ZNF280D: variants seen among roughly 807,000 people sequenced by gnomAD.
ZNF280D encodes the protein zinc finger protein 280D.
In ZNF280D, 39 loss-of-function variants were observed where a neutral mutation model predicts 94.7. That is an observed-to-expected ratio of 0.41 (90% CI 0.32 to 0.54). ZNF280D has a LOEUF of 0.54. Among genes scored for constraint, ZNF280D ranks in the 20% least tolerant of loss-of-function variants. ZNF280D has a pLI of 0.22. For missense variants in ZNF280D, 1,090 were observed against 1,149.3 expected (o/e 0.95, Z 0.75); for synonymous variants, 398 against 377.6 (o/e 1.05, Z -0.63).
intron 1 of ZNF280D, among the ~76,000 whole-genome samples, chr15:56,711,700 A>T (rs1378690555): frequency 2.0e-5 from 3 of 152,192 alleles, no homozygotes; most frequent in Admixed American, 6.5e-5. Flanking sequence ...CAATTCTGTT[A>T]TACTGGAATT....
At chr15:56,690,359 G>A (rs1344709883) in intron 7 of ZNF280D, among the ~76,000 whole-genome samples, 8 of 152,070 alleles carry the variant, frequency 5.3e-5, no homozygotes, top group Non-Finnish European at 1.0e-4. Context: ...TCCAGCCTGG[G>A]CAACAGAGCA....
At chr15:56,703,388 T>C (rs940771690) in intron 4 of ZNF280D, among the ~76,000 whole-genome samples, 3 of 152,314 alleles carry the variant, frequency 2.0e-5, no homozygotes, top group Middle Eastern at 3.4e-3. Flanking sequence ...TCACCACCTA[T>C]ACATTTTGTA....
chr15:56,696,918 A>T (rs1413495852), intron 6 of ZNF280D, among the ~76,000 whole-genome samples: 2 of 152,254 alleles, frequency 1.3e-5, no homozygotes, highest in Non-Finnish European at 2.9e-5. Flanking sequence ...AAACATTCTG[A>T]GTCAGAAAGG....
intron 1 of ZNF280D, among the ~76,000 whole-genome samples, chr15:56,718,805 G>T (rs1212278677): frequency 6.6e-6 from 1 of 152,154 alleles, no homozygotes; most frequent in Non-Finnish European, 1.5e-5. Flanking sequence ...CTAAAAGCAA[G>T]TATCCACCTC....
At chr15:56,667,306 T>G (rs537147183) in intron 14 of ZNF280D, among the ~76,000 whole-genome samples, 7 of 152,258 alleles carry the variant, frequency 4.6e-5, no homozygotes, top group African/African-American at 1.4e-4. Context: ...GACTTAACTT[T>G]AAGAAATTCA....
chr15:56,708,960 T>C (rs1378726162), intron 1 of ZNF280D, among the ~76,000 whole-genome samples: 1 of 152,168 alleles, frequency 6.6e-6, no homozygotes, highest in Non-Finnish European at 1.5e-5. Context: ...AAGGACTTCA[T>C]GTCTAAAACA....
At chr15:56,650,036 TTTAA>T (rs551382418) in intron 19 of ZNF280D, among the ~76,000 whole-genome samples, 2 of 152,078 alleles carry the variant, frequency 1.3e-5, no homozygotes, top group Non-Finnish European at 2.9e-5. Flanking sequence ...ATATTAGTGG[TTTAA>T]TTGATTATGA....
chr15:56,714,104 C>A (rs567851458), intron 1 of ZNF280D, among the ~76,000 whole-genome samples: 2 of 152,096 alleles, frequency 1.3e-5, no homozygotes, highest in Non-Finnish European at 2.9e-5. Context: ...CCTTTTGTGC[C>A]TCAAGTATTT....
chr15:56,718,168 A>G (rs1232381040), intron 1 of ZNF280D, among the ~76,000 whole-genome samples: 1 of 152,198 alleles, frequency 6.6e-6, no homozygotes, highest in African/African-American at 2.4e-5. Context: ...TCATTTTTGA[A>G]TTAGCAATAA....
chr15:56,705,994 CAT>C (rs2057380037), intron 3 of ZNF280D, among the ~76,000 whole-genome samples: 3 of 149,696 alleles, frequency 2.0e-5, no homozygotes, highest in South Asian at 4.3e-4. Flanking sequence ...TCTCAAAATT[CAT>C]ATGTTTAAGA....
intron 1 of ZNF280D, among the ~76,000 whole-genome samples, chr15:56,715,221 C>T (rs1182625792): frequency 1.3e-5 from 2 of 152,104 alleles, no homozygotes; most frequent in Admixed American, 6.6e-5. Flanking sequence ...AGGAAATACC[C>T]TATCATGGAA....
chr15:56,701,290 T>C (rs1223970756), intron 4 of ZNF280D, 52 bp from the exon 5 acceptor site: 8 of 1,199,002 alleles, frequency 6.7e-6, no homozygotes, highest in Non-Finnish European at 5.9e-6. Flanking sequence ...GAAATACATA[T>C]TAAGATAATA....
At position 56,682,301 on chromosome 15, in the gene ZNF280D, T is replaced by C. The variant is rs752618061; in HGVS notation, c.957A>G (p.Thr319=). ...TCAAGCAACTGAAGCATTTAAAGGTTGTGTGAGTCTTCTGTTCCTCCTGGA... is the reference window on the plus strand; with the variant it reads ...TCAAGCAACTGAAGCATTTAAAGGTCGTGTGAGTCTTCTGTTCCTCCTGGA... ...GDVQEEQKTH[T]TFKCFSCLKI... is the part of the protein sequence containing the mutation. The change falls in exon 10 of 22, where the codon ACA becomes ACG. Residue 319 remains threonine, a synonymous_variant. Coordinates refer to ENST00000267807, the MANE Select transcript of ZNF280D (RefSeq NM_017661.4). 24 of 1,590,104 alleles carry C rather than the reference T, an allele frequency of 1.5e-5. No individual in the cohort carries two copies. Among genetic ancestry groups the C allele is most frequent in the Non-Finnish European group, 2.0e-5 (24 of 1,173,634 alleles).
intron 1 of ZNF280D, among the ~76,000 whole-genome samples, chr15:56,716,958 G>T (rs535411937): frequency 6.6e-6 from 1 of 152,150 alleles, no homozygotes; most frequent in Non-Finnish European, 1.5e-5. Flanking sequence ...TCCTCATAAA[G>T]GATCTCCATT....
At chr15:56,698,435 A>G (rs2056875286) in intron 6 of ZNF280D, 1 of 152,252 alleles carries the variant, frequency 6.6e-6, no homozygotes, top group Admixed American at 6.5e-5. Flanking sequence ...TACCATTGGT[A>G]AGAAATATTA....
intron 1 of ZNF280D, among the ~76,000 whole-genome samples, chr15:56,713,361 A>G (rs904760375): frequency 5.3e-5 from 8 of 152,232 alleles, no homozygotes; most frequent in Non-Finnish European, 8.8e-5. Flanking sequence ...CAATTTACTT[A>G]TATACTTAAA....
At chr15:56,681,611 T>C (rs534976592) in intron 10 of ZNF280D, among the ~76,000 whole-genome samples, 15 of 152,288 alleles carry the variant, frequency 9.8e-5, no homozygotes, top group African/African-American at 3.1e-4. Context: ...CTTATTACTT[T>C]TCTCTTGTTA....
intron 1 of ZNF280D, among the ~76,000 whole-genome samples, chr15:56,708,428 A>T (rs997914876): frequency 6.6e-6 from 1 of 152,196 alleles, no homozygotes; most frequent in Non-Finnish European, 1.5e-5. Context: ...ATACGTGATA[A>T]TCCTTGCTTC....
chr15:56,703,381 C>T (rs2057202726), intron 4 of ZNF280D, among the ~76,000 whole-genome samples: 2 of 152,198 alleles, frequency 1.3e-5, no homozygotes, highest in African/African-American at 2.4e-5. Flanking sequence ...CAATCATTCA[C>T]CACCTATACA....
Sources: gnomAD v4.1 joint callset for allele counts (sites outside exome capture counted in the v4.1 genomes callset) on GRCh38, gnomAD v4.1.1 for gene constraint, MANE v1.5 for transcripts, NCBI Gene and HGNC (gene_info 2026-07-23, HGNC 2026-07-21) for gene names.